Variants in PCDH12 observed in about 807,000 individuals in gnomAD.
The protein encoded by PCDH12 is protocadherin-12.
Under a neutral mutation model 70.9 loss-of-function variants are expected in PCDH12, and 45 were observed. The observed-to-expected ratio is 0.63, with a 90% CI of 0.50 to 0.81. The LOEUF (loss-of-function observed/expected upper bound fraction) is 0.81. Among genes scored for constraint, PCDH12 ranks in the 40% least tolerant of loss-of-function variants. PCDH12 has a pLI of 0.00. For synonymous variants in PCDH12, 567 were observed against 626.0 expected (o/e 0.91, Z 1.41); for missense variants, 1,370 against 1,491.7 (o/e 0.92, Z 1.34).
chr5:141,956,201 C>G lies in PCDH12; in HGVS notation c.1651G>C (p.Val551Leu), dbSNP rs759756677. 6.2e-7 allele frequency: 1 copy of G among 1,614,228 alleles called. No individual in the cohort carries two copies. The highest frequency in any genetic ancestry group is 1.1e-5 in the South Asian group (1 of 91,080). Residue 551 changes from valine (V) to leucine (L), a missense_variant, in exon 1 of 4, where the codon GTG becomes CTG. Val to Leu is a conservative substitution (Grantham distance 32, BLOSUM62 1). Coordinates refer to ENST00000231484, the MANE Select transcript of PCDH12 (RefSeq NM_016580.4). ...TTGGCATCCAAGAGGCTGACCCACA[C>G]AGAGACACTGGATGCAAGCATGGGT... The part of the protein sequence containing the change: ...GQPMLASSVS[V>L]WVSLLDANDN...
At position 141,945,307 on chromosome 5, in the gene PCDH12, G is replaced by T; in HGVS notation, c.*74C>A. On this transcript the variant is annotated 3_prime_UTR_variant, in exon 4 of 4. Coordinates refer to ENST00000231484, the MANE Select transcript of PCDH12 (RefSeq NM_016580.4). Reference sequence around the variant, plus strand: ...GCCGCCGCTAGCTAGTGAGTTACAAGATTTTAGAAACCAGCTCTTGTCCAC... The same window carrying T: ...GCCGCCGCTAGCTAGTGAGTTACAATATTTTAGAAACCAGCTCTTGTCCAC... 6.6e-7 allele frequency: 1 copy of T among 1,514,472 alleles called. No individual in the cohort carries two copies. The highest frequency in any genetic ancestry group is 2.1e-5 in the Admixed American group (1 of 46,588). 93.8% of individuals were successfully genotyped at this position (1,514,472 alleles called of 1,614,324 possible).
chr5:141,945,345 C>A lies in PCDH12; in HGVS notation c.*36G>T, dbSNP rs755834271. On this transcript the variant is annotated 3_prime_UTR_variant, in exon 4 of 4. Transcript: ENST00000231484. ...AGCTCTTGTCCACAGATCCTCAGGC[C>A]CCTGGTTCTTGGATCCAGAGGCGTC... 1.3e-6 allele frequency: 2 copies of A among 1,564,162 alleles called. No individual in the cohort carries two copies. Among genetic ancestry groups the A allele is most frequent in the South Asian group, 2.4e-5 (2 of 83,400 alleles).
rs1407170710 is a variant in PCDH12, at chr5:141,945,827, CAGTG to C, written c.3131-26_3131-23del. On this transcript the variant is annotated intron_variant, in intron 3 of 3. Coordinates refer to ENST00000231484, the MANE Select transcript of PCDH12 (RefSeq NM_016580.4). ...AGACCTGTGGGGGAAGGAGGGGACA[CAGTG>C]AGGGCCAGGCTCCGGGAAGGGCCAG... 4.4e-6 allele frequency: 7 copies of C among 1,598,336 alleles called. No individual in the cohort carries two copies. In the African/African-American group the frequency reaches 5.4e-5, roughly 12 times the overall value.
At chr5:141,950,424 A>C (rs1753055845) in intron 2 of PCDH12, among the ~76,000 whole-genome samples, 1 of 152,152 alleles carries the variant, frequency 6.6e-6, no homozygotes, top group Non-Finnish European at 1.5e-5. Flanking sequence ...ATGACAACTA[A>C]TGTTTTTGAG....
chr5:141,945,833 G>A (rs1281729246), intron 3 of PCDH12, 28 bp from the exon 4 acceptor site: 3 of 1,596,072 alleles, frequency 1.9e-6, no homozygotes, highest in African/African-American at 1.3e-5. Flanking sequence ...GACACAGTGA[G>A]GGCCAGGCTC....
At chr5:141,946,747 G>C (rs1017720323) in intron 3 of PCDH12, among the ~76,000 whole-genome samples, 1 of 152,094 alleles carries the variant, frequency 6.6e-6, no homozygotes, top group African/African-American at 2.4e-5. Flanking sequence ...CAAAAAACTG[G>C]CCCCTACATT....
In PCDH12 at chr5:141,945,442, C is replaced by A. The variant is rs950302314; in HGVS notation, c.3494G>T (p.Gly1165Val). The A allele has an allele frequency of 8.1e-6, 13 of 1,612,638 alleles. No homozygotes were observed. Among genetic ancestry groups the A allele is most frequent in the African/African-American group, 2.7e-5 (2 of 74,894 alleles). Reference sequence around the variant, plus strand: ...CTTGCCCTCAGTCCCCGTCTTTCCACCTGGGTCCCCTTGCACTTTCATGCC... The same window carrying A: ...CTTGCCCTCAGTCCCCGTCTTTCCAACTGGGTCCCCTTGCACTTTCATGCC... Reference protein sequence around the residue: ...ASGMKVQGDPGGKTGTEGKSR... With the variant: ...ASGMKVQGDPVGKTGTEGKSR... The change falls in exon 4 of 4, where the codon GGT becomes GTT. Residue 1165 changes from glycine to valine, a missense_variant. Transcript: ENST00000231484.
Position 141,953,788 on chromosome 5 carries a change from C to T in PCDH12, c.2880+1184G>A, listed in dbSNP as rs17097885. 6.6e-3 allele frequency among the ~76,000 whole-genome samples: 999 copies of T among 152,350 alleles called. 18 individuals carry two copies. Among genetic ancestry groups the T allele is most frequent in the African/African-American group, 0.023 (950 of 41,582 alleles). The stretch of plus-strand genomic sequence containing the variant: ...TCTGCACCGATCCCAGGGCAAGATT[C>T]CTAAGAGAACAGCTGGGCCATCTCC... On this transcript the variant is annotated intron_variant, in intron 1 of 3. Coordinates refer to ENST00000231484, the MANE Select transcript of PCDH12 (RefSeq NM_016580.4).
At chr5:141,946,837 G>A (rs1224504626) in intron 3 of PCDH12, among the ~76,000 whole-genome samples, 2 of 151,916 alleles carry the variant, frequency 1.3e-5, no homozygotes, top group African/African-American at 4.8e-5. Context: ...AGGCCTGATG[G>A]TAGAGACCAA....
chr5:141,945,627 C>T lies in PCDH12; in HGVS notation c.3309G>A (p.Thr1103=), dbSNP rs146023259. ...AEAPELSPTG[T]RLASTFVSEM... Reference sequence around the variant, plus strand: ...CCGAGACAAAGGTGCTGGCCAGCCTCGTGCCTGTTGGGCTCAGCTCTGGTG... The same window carrying T: ...CCGAGACAAAGGTGCTGGCCAGCCTTGTGCCTGTTGGGCTCAGCTCTGGTG... The change falls in exon 4 of 4, where the codon ACG becomes ACA. Residue 1103 remains threonine (T), a synonymous_variant. Coordinates refer to ENST00000231484, the MANE Select transcript of PCDH12 (RefSeq NM_016580.4). The T allele has an allele frequency of 1.4e-5, 22 of 1,614,112 alleles. No homozygotes were observed. Among genetic ancestry groups the T allele is most frequent in the African/African-American group, 2.7e-5 (2 of 74,948 alleles).
At position 141,945,162 on chromosome 5, in the gene PCDH12, G is replaced by A. The variant is rs76999903; in HGVS notation, c.*219C>T. The A allele has an allele frequency of 3.6e-3, 2,207 of 621,586 alleles. 30 individuals carry two copies. Among genetic ancestry groups the A allele is most frequent in the South Asian group, 9.1e-3 (444 of 48,862 alleles). The allele number at this position is 621,586 out of a possible 1,614,324, so 38.5% of individuals were successfully genotyped here. A position where few individuals can be genotyped will look rare whatever the true frequency, so the allele number is the denominator to read the frequency against. On this transcript the variant is annotated 3_prime_UTR_variant, in exon 4 of 4. Transcript: ENST00000231484. ...GAAACACTTATCTCAGCCACAAACCGTCCCTGTCCTCCAAAAGACTCAGAG... is the reference window on the plus strand; with the variant it reads ...GAAACACTTATCTCAGCCACAAACCATCCCTGTCCTCCAAAAGACTCAGAG...
chr5:141,954,896 A>C, intron 1 of PCDH12, 76 bp downstream of exon 1: 1 of 1,513,254 alleles, frequency 6.6e-7, no homozygotes, highest in Non-Finnish European at 8.9e-7. Flanking sequence ...AGGACTGTGC[A>C]GGTTATGGGG....
At position 141,944,057 on chromosome 5, in the gene PCDH12, T is replaced by C. The variant is rs1312204911; in HGVS notation, c.*1324A>G. 2.0e-5 allele frequency: 3 copies of C among 152,172 alleles called. No individual in the cohort carries two copies. The allele number at this position is 152,172 out of a possible 1,614,324, so 9.4% of individuals were successfully genotyped here. On this transcript the variant is annotated 3_prime_UTR_variant, in exon 4 of 4. Coordinates refer to ENST00000231484, the MANE Select transcript of PCDH12 (RefSeq NM_016580.4). The stretch of plus-strand genomic sequence containing the variant: ...CAGTGTCCAGGAGAGACCCACACTA[T>C]TTAGAAGCTAGCTGATTGGCTGCTC...
chr5:141,956,753 G>A lies in PCDH12; in HGVS notation c.1099C>T (p.Leu367Phe), dbSNP rs146763293. 494 of 1,614,136 alleles carry A rather than the reference G, an allele frequency of 3.1e-4. No homozygotes were observed. The highest frequency in any genetic ancestry group is 3.9e-4 in the Non-Finnish European group (463 of 1,180,062). The change falls in exon 1 of 4, where the codon CTT becomes TTT. Residue 367 changes from leucine to phenylalanine, a missense_variant. Transcript: ENST00000231484. The stretch of plus-strand genomic sequence containing the variant: ...AGAGCAATAAAACTGTCCTTGGGAA[G>A]AGCTTCTGACACCAGTGATGGCTGG... ...ASQPSLVSEA[L>F]PKDSFIALVM...
chr5:141,949,296 C>G, intron 3 of PCDH12, 136 bp downstream of exon 3: 1 of 1,482,908 alleles, frequency 6.7e-7, no homozygotes, highest in Non-Finnish European at 8.9e-7. Context: ...TGCAAGGGTG[C>G]AAGGGAAGTT....
At chr5:141,945,962 GC>G (rs923325850) in intron 3 of PCDH12, among the ~76,000 whole-genome samples, 157 bp from the exon 4 acceptor site, 1 of 152,186 alleles carries the variant, frequency 6.6e-6, no homozygotes, top group Non-Finnish European at 1.5e-5. Context: ...GAAGGAAGAG[GC>G]CCTGACAGGG....
At position 141,945,288 on chromosome 5, in the gene PCDH12, G is replaced by T; in HGVS notation, c.*93C>A. Reference sequence around the variant, plus strand: ...GTCACCCTAAAGTTCTCAGGCCGCCGCTAGCTAGTGAGTTACAAGATTTTA... The same window carrying T: ...GTCACCCTAAAGTTCTCAGGCCGCCTCTAGCTAGTGAGTTACAAGATTTTA... On this transcript the variant is annotated 3_prime_UTR_variant, in exon 4 of 4. Coordinates refer to ENST00000231484, the MANE Select transcript of PCDH12 (RefSeq NM_016580.4). 12 of 1,452,044 alleles carry T rather than the reference G, an allele frequency of 8.3e-6. No homozygotes were observed. Among genetic ancestry groups the T allele is most frequent in the Non-Finnish European group, 1.0e-5 (11 of 1,079,530 alleles). The allele number at this position is 1,452,044 out of a possible 1,614,324, so 89.9% of individuals were successfully genotyped here. A position where few individuals can be genotyped will look rare whatever the true frequency, so the allele number is the denominator to read the frequency against.
rs867032842 is a variant in PCDH12 at position 141,957,800 on chromosome 5, A to G, written c.52T>C (p.Leu18=). The change falls in exon 1 of 4, where the codon TTA becomes CTA. Residue 18 remains leucine (L), a synonymous_variant. Coordinates refer to ENST00000231484, the MANE Select transcript of PCDH12 (RefSeq NM_016580.4). The surrounding 1 kb of genome is among the most constrained non-coding windows in gnomAD (Gnocchi z 4.3). The part of the protein sequence containing the change: ...LLGLLGPGGY[L]FLLGDCQEVT... ...TCCTGACAATCCCCTAAAAGAAATA[A>G]GTAGCCACCTGGCCCCAAAAGCCCC... is the stretch of plus-strand genomic sequence containing the variant. 1 of 1,604,732 alleles carries G rather than the reference A, an allele frequency of 6.2e-7. No homozygotes were observed. Among genetic ancestry groups the G allele is most frequent in the Middle Eastern group, 1.7e-4 (1 of 6,060 alleles).
rs139579018 is a variant in PCDH12 at position 141,956,444 on chromosome 5, G to A, written c.1408C>T (p.Arg470Trp). The A allele has an allele frequency of 8.2e-5, 132 of 1,614,192 alleles. No individual in the cohort carries two copies. The highest frequency in any genetic ancestry group is 4.7e-4 in the African/African-American group (35 of 75,040). ...FEKSRYEVST[R>W]ENNLPSLHLI... ...TGAAGAGAGGGTAAGTTGTTTTCCC[G>A]CGTGGAGACTTCATACCTGCTTTTC... The change falls in exon 1 of 4, where the codon CGG (arginine) becomes TGG (tryptophan). Residue 470 changes from arginine (R) to tryptophan (W), a missense_variant. Transcript: ENST00000231484.
Sources: allele counts gnomAD v4.1 joint callset (sites outside exome capture counted in the v4.1 genomes callset), GRCh38; gene constraint gnomAD v4.1.1; non-coding constraint Gnocchi (gnomAD v3.1); transcripts MANE v1.5; gene names NCBI Gene and HGNC (gene_info 2026-07-23, HGNC 2026-07-21).